The following TBC1D22A variants were observed in gnomAD, a reference collection of about 807,000 sequenced individuals.
The protein encoded by TBC1D22A is TBC1 domain family member 22A, also known as putative GTPase activator.
In TBC1D22A, 38 loss-of-function variants were observed where a neutral mutation model predicts 60.2. The ratio of observed to expected loss-of-function variants is 0.63; its 90% CI spans 0.49 to 0.83. The LOEUF is 0.83. Among genes scored for constraint, TBC1D22A ranks in the 40% least tolerant of loss-of-function variants. The pLI, the probability that TBC1D22A is intolerant of heterozygous loss-of-function variation, is 0.00. For synonymous variants in TBC1D22A, 302 were observed against 281.7 expected (o/e 1.07, Z -0.72); for missense variants, 628 against 701.0 (o/e 0.90, Z 1.18).
chr22:47,085,761 T>C (rs2064656000), intron 11 of TBC1D22A, among the ~76,000 whole-genome samples: 1 of 152,104 alleles, frequency 6.6e-6, no homozygotes, highest in Admixed American at 6.5e-5. Context: ...GTGTGAGTTA[T>C]CAAGTAGAAA....
intron 11 of TBC1D22A, among the ~76,000 whole-genome samples, chr22:47,099,358 C>T (rs533857398): frequency 5.9e-5 from 9 of 151,850 alleles, no homozygotes; most frequent in East Asian, 3.9e-4. Context: ...GGTTTAGGGG[C>T]GGTCAAGAAT....
chr22:46,968,461 A>G (rs1383945331), intron 8 of TBC1D22A, among the ~76,000 whole-genome samples: 1 of 152,140 alleles, frequency 6.6e-6, no homozygotes, highest in African/African-American at 2.4e-5. Flanking sequence ...GAAACACACT[A>G]GTGCTTTGTC....
chr22:46,802,684 C>T (rs745520055), intron 4 of TBC1D22A, among the ~76,000 whole-genome samples: 11 of 152,234 alleles, frequency 7.2e-5, no homozygotes, highest in Middle Eastern at 3.4e-3. Flanking sequence ...CATCAGAAAG[C>T]GGTTGCTATT....
intron 12 of TBC1D22A, among the ~76,000 whole-genome samples, chr22:47,169,112 A>G (rs945240045): frequency 3.9e-5 from 6 of 152,158 alleles, no homozygotes; most frequent in African/African-American, 1.4e-4. Context: ...TGTTGGAAAC[A>G]TCCCAGCTTG....
intron 8 of TBC1D22A, among the ~76,000 whole-genome samples, chr22:46,928,115 G>A (rs576994018): frequency 4.3e-5 from 5 of 115,488 alleles, no homozygotes; most frequent in African/African-American, 1.4e-4. Flanking sequence ...CGGAATAGCC[G>A]TAACAGTCTT....
intron 10 of TBC1D22A, among the ~76,000 whole-genome samples, chr22:47,035,947 GT>G (rs1381654691): frequency 6.6e-6 from 1 of 152,222 alleles, no homozygotes; most frequent in Non-Finnish European, 1.5e-5. Context: ...AGGGACTTGA[GT>G]AAAACAAACC....
At chr22:46,987,068 G>A (rs1436196485) in intron 9 of TBC1D22A, among the ~76,000 whole-genome samples, 1 of 152,206 alleles carries the variant, frequency 6.6e-6, no homozygotes, top group African/African-American at 2.4e-5. Flanking sequence ...ACCTCTTGCT[G>A]GATGGTACAA....
At chr22:46,900,111 G>A (rs547334523) in intron 7 of TBC1D22A, among the ~76,000 whole-genome samples, 2 of 149,880 alleles carry the variant, frequency 1.3e-5, no homozygotes, top group South Asian at 2.1e-4. Flanking sequence ...TAAAATTCAC[G>A]TATTTTAGGT....
intron 11 of TBC1D22A, among the ~76,000 whole-genome samples, chr22:47,096,830 T>A (rs2065197871): frequency 6.6e-6 from 1 of 152,026 alleles, no homozygotes; most frequent in African/African-American, 2.4e-5. Context: ...TCAAAAAAAA[T>A]AAAAATAAAT....
intron 8 of TBC1D22A, among the ~76,000 whole-genome samples, chr22:46,961,171 A>T (rs900843902): frequency 2.0e-5 from 3 of 151,906 alleles, no homozygotes; most frequent in Non-Finnish European, 2.9e-5. Flanking sequence ...TTCATATTGA[A>T]CTCTAATTTC....
At chr22:47,064,069 C>T (rs1040626328) in intron 11 of TBC1D22A, among the ~76,000 whole-genome samples, 9 of 152,046 alleles carry the variant, frequency 5.9e-5, no homozygotes, top group East Asian at 1.9e-4. Context: ...CTCCAGATGC[C>T]GTTTTCCAGG....
chr22:46,890,764 G>T (rs938039842), intron 5 of TBC1D22A, among the ~76,000 whole-genome samples: 3 of 152,186 alleles, frequency 2.0e-5, no homozygotes, highest in Non-Finnish European at 4.4e-5. Flanking sequence ...AGTCTTTGAA[G>T]ATAGCACATT....
At chr22:46,848,537 G>T (rs370018413) in intron 4 of TBC1D22A, among the ~76,000 whole-genome samples, 2 of 152,190 alleles carry the variant, frequency 1.3e-5, no homozygotes, top group African/African-American at 4.8e-5. Context: ...ACAGGGAGTC[G>T]ACCAACCGTT....
chr22:46,940,470 GTAT>G (rs2071924557), intron 8 of TBC1D22A, among the ~76,000 whole-genome samples: 1 of 132,086 alleles, frequency 7.6e-6, no homozygotes, highest in African/African-American at 2.9e-5. Context: ...ATATATATAT[GTAT>G]GTATGTATAT....
chr22:47,161,285 C>T (rs1050414141), intron 12 of TBC1D22A, among the ~76,000 whole-genome samples: 8 of 152,184 alleles, frequency 5.3e-5, no homozygotes, highest in African/African-American at 1.4e-4. Flanking sequence ...CCCAGGCTGG[C>T]GACTGTCGGG....
At chr22:47,111,656 A>G (rs1048363303) in intron 12 of TBC1D22A, 53 bp downstream of exon 12, 25 of 1,516,448 alleles carry the variant, frequency 1.6e-5, no homozygotes, top group Non-Finnish European at 2.0e-5. Context: ...ACTAGGAGAG[A>G]GGTTTATTAC....
At chr22:47,119,688 G>T (rs1440045808) in intron 12 of TBC1D22A, among the ~76,000 whole-genome samples, 1 of 152,044 alleles carries the variant, frequency 6.6e-6, no homozygotes, top group African/African-American at 2.4e-5. Context: ...GTAGAGACAG[G>T]GTTTCACTAT....
chr22:46,969,294 G>A (rs2073954783), intron 8 of TBC1D22A, among the ~76,000 whole-genome samples: 1 of 152,110 alleles, frequency 6.6e-6, no homozygotes, highest in African/African-American at 2.4e-5. Flanking sequence ...AGAAAATAGT[G>A]CAAATTTCCC....
intron 11 of TBC1D22A, among the ~76,000 whole-genome samples, chr22:47,109,977 G>A (rs555292007): frequency 1.3e-5 from 2 of 152,108 alleles, no homozygotes; most frequent in Non-Finnish European, 2.9e-5. Context: ...GACAGTCGGA[G>A]GGATGCTTTT....
Sources: gnomAD v4.1 joint callset for allele counts (sites outside exome capture counted in the v4.1 genomes callset) on GRCh38, gnomAD v4.1.1 for gene constraint, MANE v1.5 for transcripts, NCBI Gene and HGNC (gene_info 2026-07-23, HGNC 2026-07-21) for gene names.